EPHX4: variants seen among roughly 807,000 people sequenced by gnomAD.
EPHX4 encodes epoxide hydrolase 4.
Under a neutral mutation model 44.9 loss-of-function variants are expected in EPHX4, and 31 were observed. The observed-to-expected ratio is 0.69, with a 90% CI of 0.52 to 0.93. The LOEUF is 0.93. Ranked by LOEUF, EPHX4 falls within the 40% of genes least tolerant of loss-of-function variation. The pLI is 0.00. For synonymous variants in EPHX4, 151 were observed against 159.7 expected (o/e 0.95, Z 0.41); for missense variants, 373 against 438.1 (o/e 0.85, Z 1.33).
chr1:92,057,314 G>T (rs1281188388), intron 6 of EPHX4, among the ~76,000 whole-genome samples: 1 of 151,536 alleles, frequency 6.6e-6, no homozygotes, highest in Non-Finnish European at 1.5e-5. Context: ...AAAAACAGAA[G>T]GCACAAATAA....
intron 5 of EPHX4, among the ~76,000 whole-genome samples, chr1:92,051,081 C>T (rs1221124348): frequency 6.6e-6 from 1 of 152,186 alleles, no homozygotes; most frequent in Non-Finnish European, 1.5e-5. Flanking sequence ...AATCCTCCCA[C>T]CTCGGCTTCC....
chr1:92,062,429 C>G (rs1389776098), intron 6 of EPHX4, among the ~76,000 whole-genome samples: 1 of 151,568 alleles, frequency 6.6e-6, no homozygotes, highest in Non-Finnish European at 1.5e-5. Context: ...ACTAAAAATA[C>G]AAAAAATTAG....
chr1:92,052,851 A>C (rs1448033250), intron 6 of EPHX4, among the ~76,000 whole-genome samples, 193 bp downstream of exon 6: 1 of 152,212 alleles, frequency 6.6e-6, no homozygotes, highest in Non-Finnish European at 1.5e-5. Context: ...TAATATAACA[A>C]ATCCTTCATG....
intron 1 of EPHX4, 128 bp downstream of exon 1, chr1:92,030,438 G>A (rs910436788): frequency 9.6e-6 from 7 of 732,014 alleles, no homozygotes; most frequent in Non-Finnish European, 1.5e-5. Flanking sequence ...AGGGGAGGAG[G>A]GGTTGGGTCC....
chr1:92,049,774 C>T (rs1441243645), intron 4 of EPHX4, among the ~76,000 whole-genome samples: 4 of 152,086 alleles, frequency 2.6e-5, no homozygotes, highest in African/African-American at 9.7e-5. Context: ...CCTTTTGAGT[C>T]AAGATTTCAT....
intron 2 of EPHX4, among the ~76,000 whole-genome samples, chr1:92,032,882 C>A (rs1332259092): frequency 6.6e-6 from 1 of 152,132 alleles, no homozygotes; most frequent in Non-Finnish European, 1.5e-5. Context: ...GCCTGCATGA[C>A]CTAACCACCT....
chr1:92,035,451 A>T (rs1688423960), intron 2 of EPHX4, among the ~76,000 whole-genome samples: 1 of 152,172 alleles, frequency 6.6e-6, no homozygotes, highest in Non-Finnish European at 1.5e-5. Flanking sequence ...AAATGTCGAA[A>T]ATCTTTCACG....
intron 6 of EPHX4, 25 bp from the exon 7 acceptor site, chr1:92,063,030 A>T (rs150683284): frequency 6.3e-7 from 1 of 1,582,602 alleles, no homozygotes; most frequent in East Asian, 2.2e-5. Context: ...AGTGAATCTC[A>T]AGCCCATGTA....
At chr1:92,039,658 T>A (rs894834445) in intron 2 of EPHX4, among the ~76,000 whole-genome samples, 7 of 152,142 alleles carry the variant, frequency 4.6e-5, no homozygotes, top group African/African-American at 1.4e-4. Context: ...TTAATTTATT[T>A]ATTTATTTAT....
intron 5 of EPHX4, among the ~76,000 whole-genome samples, chr1:92,052,216 G>T (rs1205263432): frequency 1.3e-5 from 2 of 152,082 alleles, no homozygotes; most frequent in Non-Finnish European, 2.9e-5. Context: ...TTTATCCAAG[G>T]AACTCTTGAG....
chr1:92,038,961 C>T (rs1439226789), intron 2 of EPHX4, among the ~76,000 whole-genome samples: 1 of 152,142 alleles, frequency 6.6e-6, no homozygotes, highest in African/African-American at 2.4e-5. Context: ...TCCATTTCTT[C>T]ATCTGTTAAG....
chr1:92,039,650 AATTT>A (rs1236753574), intron 2 of EPHX4, among the ~76,000 whole-genome samples: 1 of 151,838 alleles, frequency 6.6e-6, no homozygotes, highest in African/African-American at 2.4e-5. Flanking sequence ...TTATTTAATT[AATTT>A]ATTTATTTAT....
intron 2 of EPHX4, 33 bp downstream of exon 2, chr1:92,032,623 TA>T (rs1478822188): frequency 1.3e-6 from 2 of 1,556,376 alleles, no homozygotes. Context: ...ATTGTTACAT[TA>T]AAACTTGGCT....
chr1:92,034,844 A>C (rs749366816), intron 2 of EPHX4, among the ~76,000 whole-genome samples: 2 of 151,998 alleles, frequency 1.3e-5, no homozygotes, highest in African/African-American at 2.4e-5. Flanking sequence ...TTACCATGTT[A>C]AACAGGCCAG....
chr1:92,032,115 G>A (rs923303894), intron 1 of EPHX4, among the ~76,000 whole-genome samples: 3 of 152,156 alleles, frequency 2.0e-5, no homozygotes, highest in South Asian at 4.1e-4. Context: ...ATTTGAGGGA[G>A]ATGAAATGTG....
Position 92,063,445 on chromosome 1 carries a change from C to T in EPHX4, c.*159C>T, listed in dbSNP as rs918719515. The T allele has an allele frequency of 6.8e-5, 39 of 571,534 alleles. No homozygotes were observed. The highest frequency in any genetic ancestry group is 1.1e-4 in the Non-Finnish European group (37 of 333,762). The allele number at this position is 571,534 out of a possible 1,614,324, so 35.4% of individuals were successfully genotyped here. ...AATGGTATTGAAAAAAATCTGAGAT[C>T]ATGTGAACATATAATACAATGTTGA... On this transcript the variant is annotated 3_prime_UTR_variant, in exon 7 of 7. Transcript: ENST00000370383.
intron 2 of EPHX4, 69 bp downstream of exon 2, chr1:92,032,659 G>T (rs1688378820): frequency 8.8e-6 from 11 of 1,247,146 alleles, no homozygotes; most frequent in Non-Finnish European, 1.2e-5. Context: ...ATTTTGTGCT[G>T]CTGTAACAGA....
intron 1 of EPHX4, among the ~76,000 whole-genome samples, 173 bp downstream of exon 1, chr1:92,030,483 T>TGTGTGTGTGTGTGTGTGA (rs745435867): frequency 0.022 from 2,982 of 138,260 alleles, 116 homozygotes; most frequent in Non-Finnish European, 0.027. Flanking sequence ...TGTGTGTGTG[T>TGTGTGTGTGTGTGTGTGA]GTGAGAGAGA....
At chr1:92,046,218 T>G (rs74551710) in intron 4 of EPHX4, among the ~76,000 whole-genome samples, 216 of 152,318 alleles carry the variant, frequency 1.4e-3, no homozygotes, top group African/African-American at 4.6e-3. Flanking sequence ...ATAACATATT[T>G]TAAATGAAAG....
Sources: allele counts gnomAD v4.1 joint callset (sites outside exome capture counted in the v4.1 genomes callset), GRCh38; gene constraint gnomAD v4.1.1; transcripts MANE v1.5; gene names NCBI Gene and HGNC (gene_info 2026-07-23, HGNC 2026-07-21).